GGTLC2: variants seen among roughly 807,000 people sequenced by gnomAD.
GGTLC2 encodes glutathione hydrolase light chain 2.
Under a neutral mutation model 20.2 loss-of-function variants are expected in GGTLC2, and 13 were observed. The ratio of observed to expected loss-of-function variants is 0.64; its 90% CI spans 0.42 to 1.02. The LOEUF (loss-of-function observed/expected upper bound fraction) is 1.02, where lower values mean the gene tolerates loss of function less well. GGTLC2 is among the 50% of genes least tolerant of loss of function. GGTLC2 has a pLI of 0.00. For synonymous variants in GGTLC2, 89 were observed against 125.5 expected (o/e 0.71, Z 1.94); for missense variants, 202 against 301.3 (o/e 0.67, Z 2.44).
At chr22:22,646,691 G>A in intron 2 of GGTLC2, 63 bp from the exon 3 acceptor site, 1 of 1,585,638 alleles carries the variant, frequency 6.3e-7, no homozygotes, top group African/African-American at 1.3e-5. Flanking sequence ...AGCCTCAGTG[G>A]GTGGATAGGG....
chr22:22,647,102 G>A lies in GGTLC2; in HGVS notation c.361-39G>A, dbSNP rs778764258. On this transcript the variant is annotated intron_variant, in intron 4 of 5. Transcript: ENST00000448514. ...CACCACAGCCACTGCACTGATATGT[G>A]TCACCCCTTTTCTCCCTGGCCGTGC... The A allele has an allele frequency of 5.0e-6, 8 of 1,611,628 alleles. No homozygotes were observed. In the African/African-American group the frequency reaches 9.4e-5, roughly 19 times the overall value.
In GGTLC2 at chr22:22,647,134, T is replaced by C. The variant is rs1161186093; in HGVS notation, c.361-7T>C. 12 of 1,611,636 alleles carry C rather than the reference T, an allele frequency of 7.4e-6. No homozygotes were observed. The highest frequency in any genetic ancestry group is 1.0e-5 in the Non-Finnish European group (12 of 1,179,788). On this transcript the variant is annotated splice_polypyrimidine_tract_variant and splice_region_variant and intron_variant, in intron 4 of 5. Transcript: ENST00000448514. ...CTTTTCTCCCTGGCCGTGCCCACCC[T>C]GCACAGCCCCCAAGCCATGCTGATC...
Position 22,646,538 on chromosome 22 carries a change from C to T in GGTLC2, c.176+17C>T, listed in dbSNP as rs59436185. ...CAACCTCTAGTAGGGGCTGCTGGGC[C>T]GCCTGGGTGGGAAAGGGCCAGGGGC... is the stretch of plus-strand genomic sequence containing the variant. On this transcript the variant is annotated intron_variant, in intron 2 of 5. Coordinates refer to ENST00000448514, the MANE Select transcript of GGTLC2 (RefSeq NM_199127.3). 1.5e-5 allele frequency: 23 copies of T among 1,533,814 alleles called. No homozygotes were observed. The highest frequency in any genetic ancestry group is 3.5e-5 in the South Asian group (3 of 84,596).
At position 22,647,296 on chromosome 22, in the gene GGTLC2, C is replaced by T. The variant is rs2064131978; in HGVS notation, c.510+6C>T. 6.2e-7 allele frequency: 1 copy of T among 1,608,788 alleles called. No individual in the cohort carries two copies. The highest frequency in any genetic ancestry group is 1.3e-5 in the African/African-American group (1 of 74,754). ...TGGAGAGAAACATTGACCAGGTGGG[C>T]CGGGGGTTGGAGAAACTGAGTCACG... is the stretch of plus-strand genomic sequence containing the variant. On this transcript the variant is annotated splice_donor_region_variant and intron_variant, in intron 5 of 5. Coordinates refer to ENST00000448514, the MANE Select transcript of GGTLC2 (RefSeq NM_199127.3).
In GGTLC2 at chr22:22,647,302, G is replaced by T. The variant is rs1457759223; in HGVS notation, c.510+12G>T. 5 of 1,608,112 alleles carry T rather than the reference G, an allele frequency of 3.1e-6. No homozygotes were observed. The highest frequency in any genetic ancestry group is 4.2e-6 in the Non-Finnish European group (5 of 1,178,004). On this transcript the variant is annotated intron_variant, in intron 5 of 5. Transcript: ENST00000448514. Reference sequence around the variant, plus strand: ...GAAACATTGACCAGGTGGGCCGGGGGTTGGAGAAACTGAGTCACGGTGTGG... The same window carrying T: ...GAAACATTGACCAGGTGGGCCGGGGTTTGGAGAAACTGAGTCACGGTGTGG...
chr22:22,646,691 G>C (rs1008907803), intron 2 of GGTLC2, 63 bp from the exon 3 acceptor site: 95 of 1,585,524 alleles, frequency 6.0e-5, no homozygotes, highest in Non-Finnish European at 8.0e-5. Context: ...AGCCTCAGTG[G>C]GTGGATAGGG....
chr22:22,647,341 C>T lies in GGTLC2; in HGVS notation c.510+51C>T, dbSNP rs369413754. ...GTCACGGTGTGGGGCCCCAGGGCAT[C>T]CTGGGCTGGAGGCCTGGATCATCAC... On this transcript the variant is annotated intron_variant, in intron 5 of 5. Coordinates refer to ENST00000448514, the MANE Select transcript of GGTLC2 (RefSeq NM_199127.3). The T allele has an allele frequency of 2.5e-5, 40 of 1,606,496 alleles. No individual in the cohort carries two copies. In the African/African-American group the frequency reaches 4.0e-4, roughly 16 times the overall value.
rs74553569 is a variant in GGTLC2 at position 22,647,152 on chromosome 22, T to C, written c.372T>C (p.His124=). ...MVGQDGQPPS[H]ADHTPMPQAI... ...CCCACCCTGCACAGCCCCCAAGCCA[T>C]GCTGATCACACTCCCATGCCCCAGG... The change falls in exon 5 of 6, where the codon CAT becomes CAC. Residue 124 remains histidine (H), a synonymous_variant. Transcript: ENST00000448514. The C allele has an allele frequency of 0.082, 132,314 of 1,607,630 alleles. 7,499 individuals carry two copies. The highest frequency in any genetic ancestry group is 0.23 in the South Asian group (20,703 of 90,528).
In GGTLC2 at chr22:22,646,357, G is replaced by A. The variant is rs759679595; in HGVS notation, c.12G>A (p.Glu4=). 4 of 1,493,412 alleles carry A rather than the reference G, an allele frequency of 2.7e-6. No homozygotes were observed. The highest frequency in any genetic ancestry group is 3.6e-6 in the Non-Finnish European group (4 of 1,100,396). 92.5% of individuals were successfully genotyped at this position (1,493,412 alleles called of 1,614,324 possible). Reference sequence around the variant, plus strand: ...AGGTGGTCCACAACATGACCTCTGAGTTCTTCGCTGCCCAGCTCCGGGCCC... The same window carrying A: ...AGGTGGTCCACAACATGACCTCTGAATTCTTCGCTGCCCAGCTCCGGGCCC... The part of the protein sequence containing the change: MTS[E]FFAAQLRAQI... The change falls in exon 2 of 6, where the codon GAG becomes GAA. Residue 4 remains glutamate, a synonymous_variant. Coordinates refer to ENST00000448514, the MANE Select transcript of GGTLC2 (RefSeq NM_199127.3).
At position 22,646,489 on chromosome 22, in the gene GGTLC2, T is replaced by C. The variant is rs1486810638; in HGVS notation, c.144T>C (p.Ser48=). ...TGTCTGTCGTCGCAGAGGACGGCAG[T>C]GCTGTGTCCGCCACCAGCACCATCA... ...AHLSVVAEDG[S]AVSATSTINL... Residue 48 remains serine (S), a synonymous_variant, in exon 2 of 6, where the codon AGT becomes AGC. Coordinates refer to ENST00000448514, the MANE Select transcript of GGTLC2 (RefSeq NM_199127.3). The C allele has an allele frequency of 1.9e-6, 3 of 1,568,142 alleles. No homozygotes were observed. Among genetic ancestry groups the C allele is most frequent in the African/African-American group, 2.7e-5 (2 of 74,130 alleles).
chr22:22,647,740 G>A lies in GGTLC2; in HGVS notation c.656G>A (p.Ter219=), dbSNP rs1395137117. The change falls in exon 6 of 6, where the codon TGA becomes TAA. Residue 219 remains the stop codon, a stop_retained_variant. Transcript: ENST00000448514. ...AAAGGCGGGGAGCCTGCCGGCTACT[G>A]AGTGCTCCAGGAGGACAAGGCTGAC... The part of the protein sequence containing the change: ...SRKGGEPAGY[*] 1.9e-6 allele frequency: 3 copies of A among 1,589,676 alleles called. No individual in the cohort carries two copies. The highest frequency in any genetic ancestry group is 1.7e-6 in the Non-Finnish European group (2 of 1,168,376).
intron 1 of GGTLC2, among the ~76,000 whole-genome samples, chr22:22,644,925 C>G (rs1175271902): frequency 1.2e-4 from 12 of 99,928 alleles, no homozygotes; most frequent in South Asian, 1.1e-3. Context: ...GAGTCTCCCT[C>G]TGTCGCCCAG....
At chr22:22,645,066 G>A (rs1247103230) in intron 1 of GGTLC2, among the ~76,000 whole-genome samples, 1 of 148,114 alleles carries the variant, frequency 6.8e-6, no homozygotes, top group Non-Finnish European at 1.5e-5. Flanking sequence ...CTAATTTTTT[G>A]TATTTTTAGT....
At position 22,646,469 on chromosome 22, in the gene GGTLC2, G is replaced by C; in HGVS notation, c.124G>C (p.Val42Leu). 1 of 1,550,064 alleles carries C rather than the reference G, an allele frequency of 6.5e-7. No homozygotes were observed. The highest frequency in any genetic ancestry group is 8.8e-7 in the Non-Finnish European group (1 of 1,139,876). Residue 42 changes from valine (V) to leucine (L), a missense_variant, in exon 2 of 6, where the codon GTC becomes CTC. This residue lies in a region of GGTLC2 where 44 missense variants were observed against 81.2 expected (regional missense o/e 0.54). Transcript: ENST00000448514. ...TGATGGGGGCACTGCTCACCTGTCT[G>C]TCGTCGCAGAGGACGGCAGTGCTGT... Reference protein sequence around the residue: ...PVDGGTAHLSVVAEDGSAVSA... With the variant: ...PVDGGTAHLSLVAEDGSAVSA...
Position 22,645,999 on chromosome 22 carries a change from T to C in GGTLC2, c.-34-313T>C, listed in dbSNP as rs2064065133. 3.9e-6 allele frequency: 2 copies of C among 507,720 alleles called. 1 individual carries two copies. The highest frequency in any genetic ancestry group is 6.5e-6 in the Non-Finnish European group (2 of 306,026). The allele number at this position is 507,720 out of a possible 1,614,324, so 31.5% of individuals were successfully genotyped here. ...TTTTTCTTGGCATGAGGGCAGGACC[T>C]AAGTGTCTGTTCCCTGTTGATTCCC... On this transcript the variant is annotated intron_variant, in intron 1 of 5. Coordinates refer to ENST00000448514, the MANE Select transcript of GGTLC2 (RefSeq NM_199127.3).
intron 1 of GGTLC2, among the ~76,000 whole-genome samples, chr22:22,645,482 C>G (rs1202522268): frequency 6.7e-6 from 1 of 150,296 alleles, no homozygotes; most frequent in African/African-American, 2.4e-5. Flanking sequence ...CATCCTCAAA[C>G]CTGCCCCTTC....
Position 22,647,801 on chromosome 22 carries a change from G to T in GGTLC2, c.*60G>T. ...GGGACAAGATACTCACCAGGACCAGGAAGGGGACTCTGGGGGACTGGCTTC... is the reference window on the plus strand; with the variant it reads ...GGGACAAGATACTCACCAGGACCAGTAAGGGGACTCTGGGGGACTGGCTTC... On this transcript the variant is annotated 3_prime_UTR_variant, in exon 6 of 6. Coordinates refer to ENST00000448514, the MANE Select transcript of GGTLC2 (RefSeq NM_199127.3). 1 of 1,595,026 alleles carries T rather than the reference G, an allele frequency of 6.3e-7. No individual in the cohort carries two copies. Among genetic ancestry groups the T allele is most frequent in the Non-Finnish European group, 8.5e-7 (1 of 1,170,856 alleles).
Position 22,644,985 on chromosome 22 carries a change from C to T in GGTLC2, c.-35+277C>T, listed in dbSNP as rs1198088774. Among the ~76,000 whole-genome samples, 49 of 134,962 alleles carry T rather than the reference C, an allele frequency of 3.6e-4. 1 individual carries two copies. The highest frequency in any genetic ancestry group is 1.2e-3 in the African/African-American group (42 of 34,550). The allele number at this position is 134,962 out of a possible 152,430, so 88.5% of individuals were successfully genotyped here. A position where few individuals can be genotyped will look rare whatever the true frequency, so the allele number is the denominator to read the frequency against. ...TGGGCTCACCGCAAGCTCCGCCTAC[C>T]GGGTTCACGCCATTCTCCTGCCTCA... On this transcript the variant is annotated intron_variant, in intron 1 of 5. Transcript: ENST00000448514.
intron 1 of GGTLC2, among the ~76,000 whole-genome samples, chr22:22,645,090 C>G (rs1038126381): frequency 1.0e-4 from 14 of 140,074 alleles, no homozygotes; most frequent in East Asian, 2.5e-4. Flanking sequence ...GACGGGGTTT[C>G]ACCGTGTTAG....
Sources: gnomAD v4.1 joint callset for allele counts (sites outside exome capture counted in the v4.1 genomes callset) on GRCh38, gnomAD v4.1.1 for gene constraint, gnomAD v4.1.1 regional missense constraint, MANE v1.5 for transcripts, NCBI Gene and HGNC (gene_info 2026-07-23, HGNC 2026-07-21) for gene names.